Variants in MYH15 observed in about 807,000 individuals in gnomAD.
MYH15 encodes the protein myosin heavy chain 15, also known as myosin-15.
A neutral mutation model predicts 240.5 loss-of-function variants in MYH15; 227 were observed. The observed-to-expected ratio is 0.94, with a 90% CI of 0.85 to 1.05. The LOEUF (loss-of-function observed/expected upper bound fraction) is 1.05, where lower values mean the gene tolerates loss of function less well. MYH15 is among the 50% of genes least tolerant of loss of function. The pLI is 0.00. For missense variants in MYH15, 2,217 were observed against 2,247.5 expected (o/e 0.99, Z 0.27); for synonymous variants, 785 against 796.7 (o/e 0.99, Z 0.25).
rs2082336643 is a variant in MYH15 at position 108,380,814 on chromosome 3, TTTC to T, written c.*728_*730del. On this transcript the variant is annotated 3_prime_UTR_variant, in exon 41 of 41. Transcript: ENST00000693548. ...TAGCTGCTGATCAAATTAATGCAAA[TTTC>T]TTTATGACCTACTCCAATCCAGAAC... 1 of 152,314 alleles carries T rather than the reference TTTC, an allele frequency of 6.6e-6. No individual in the cohort carries two copies. The highest frequency in any genetic ancestry group is 1.5e-5 in the Non-Finnish European group (1 of 68,150). The allele number at this position is 152,314 out of a possible 1,614,324, so 9.4% of individuals were successfully genotyped here.
rs141467041 is a variant in MYH15, at chr3:108,404,671, C to T, written c.4736+667G>A. 1.2e-4 allele frequency among the ~76,000 whole-genome samples: 18 copies of T among 152,266 alleles called. No homozygotes were observed. The East Asian group carries it at 2.3e-3, about 20-fold the overall frequency. On this transcript the variant is annotated intron_variant, in intron 33 of 40. Transcript: ENST00000693548. ...TGCAACCCATGAGTCCTGTCTAATT[C>T]AGTTTCCTGACTATTAAGACTCAGC... is the stretch of plus-strand genomic sequence containing the variant.
Position 108,425,140 on chromosome 3 carries a change from G to A in MYH15, c.3702+3352C>T, listed in dbSNP as rs547280570. Among the ~76,000 whole-genome samples, 3 of 152,328 alleles carry A rather than the reference G, an allele frequency of 2.0e-5. No homozygotes were observed. In the South Asian group the frequency reaches 6.2e-4, roughly 32 times the overall value. ...GTCTTTAATGCAGGAGGTTGAACTT[G>A]AGCATTCCAAAGAGAATAATTAGTT... On this transcript the variant is annotated intron_variant, in intron 27 of 40. Transcript: ENST00000693548.
chr3:108,539,052 A>G, the MYH15 span, among the ~76,000 whole-genome samples: 55 of 152,262 alleles, frequency 3.6e-4, no homozygotes, highest in South Asian at 0.011. Flanking sequence ...CTTATGTCCT[A>G]GTTACTTTTT....
At chr3:108,542,728 AGT>A in the MYH15 span, among the ~76,000 whole-genome samples, 1 of 152,040 alleles carries the variant, frequency 6.6e-6, no homozygotes, top group Admixed American at 6.6e-5. Context: ...AACAGGCTCC[AGT>A]GTGTGTTGTT....
the MYH15 span, among the ~76,000 whole-genome samples, chr3:108,547,141 C>T: frequency 1.8e-4 from 28 of 151,750 alleles, no homozygotes; most frequent in African/African-American, 5.6e-4. Context: ...CACTGCAGCC[C>T]GAGGGACATG....
At position 108,427,635 on chromosome 3, in the gene MYH15, C is replaced by CACACACACACACACACACACAGAG. The variant is rs570359637; in HGVS notation, c.3702+856_3702+857insCTCTGTGTGTGTGTGTGTGTGTGT. On this transcript the variant is annotated intron_variant, in intron 27 of 40. Coordinates refer to ENST00000693548, the MANE Select transcript of MYH15 (RefSeq NM_014981.3). ...CACACACAACACACACACACACACA[C>CACACACACACACACACACACAGAG]AGAGAGAGAGAGAGAGAGAGAAAGA... 4.1e-5 allele frequency among the ~76,000 whole-genome samples: 6 copies of CACACACACACACACACACACAGAG among 146,736 alleles called. No individual in the cohort carries two copies. The South Asian group carries it at 1.3e-3, about 32-fold the overall frequency.
intron 21 of MYH15, among the ~76,000 whole-genome samples, chr3:108,446,195 A>G (rs545454175): frequency 6.6e-6 from 1 of 152,258 alleles, no homozygotes; most frequent in South Asian, 2.1e-4. Flanking sequence ...CCACAGACTG[A>G]TTCTCATGGC....
chr3:108,512,236 A>G (rs1402674301), upstream of MYH15, among the ~76,000 whole-genome samples: 2 of 152,228 alleles, frequency 1.3e-5, no homozygotes, highest in African/African-American at 4.8e-5. Flanking sequence ...ACATCTGAAT[A>G]TAGAAGAACT....
intron 7 of MYH15, among the ~76,000 whole-genome samples, chr3:108,495,317 G>A (rs1444939589): frequency 1.3e-5 from 2 of 152,178 alleles, no homozygotes; most frequent in Non-Finnish European, 2.9e-5. Context: ...AATGTCTCCA[G>A]TGAAAAATAT....
the MYH15 span, among the ~76,000 whole-genome samples, chr3:108,549,447 G>T: frequency 6.6e-6 from 1 of 151,578 alleles, no homozygotes; most frequent in African/African-American, 2.4e-5. Context: ...TCTTCTTTAG[G>T]GAGAGAAGAT....
chr3:108,402,718 A>G (rs1314665437), intron 33 of MYH15, among the ~76,000 whole-genome samples: 1 of 152,226 alleles, frequency 6.6e-6, no homozygotes, highest in East Asian at 1.9e-4. Flanking sequence ...CAGAAAGACC[A>G]TGGCTGTGGA....
At position 108,381,447 on chromosome 3, in the gene MYH15, A is replaced by G. The variant is rs1441984879; in HGVS notation, c.*98T>C. On this transcript the variant is annotated 3_prime_UTR_variant, in exon 41 of 41. Transcript: ENST00000693548. ...ATATGGTGTGAAAAGCAATTTAAAC[A>G]TGTTTTTAAAAATGTTTCCATGCAA... 1 of 1,351,988 alleles carries G rather than the reference A, an allele frequency of 7.4e-7. No individual in the cohort carries two copies. Among genetic ancestry groups the G allele is most frequent in the African/African-American group, 1.4e-5 (1 of 69,454 alleles). 83.7% of individuals were successfully genotyped at this position (1,351,988 alleles called of 1,614,324 possible).
At chr3:108,487,376 A>G (rs1169697251) in intron 9 of MYH15, among the ~76,000 whole-genome samples, 3 of 152,240 alleles carry the variant, frequency 2.0e-5, no homozygotes, top group Non-Finnish European at 4.4e-5. Context: ...AACAAGTCAA[A>G]TAACCATCTG....
intron 27 of MYH15, among the ~76,000 whole-genome samples, chr3:108,421,457 G>A (rs2082683893): frequency 6.6e-6 from 1 of 152,170 alleles, no homozygotes; most frequent in Non-Finnish European, 1.5e-5. Flanking sequence ...CAACTTCCTG[G>A]GTATTAGGAT....
intron 6 of MYH15, among the ~76,000 whole-genome samples, chr3:108,497,603 A>G (rs1372091572): frequency 6.6e-6 from 1 of 152,160 alleles, no homozygotes. Flanking sequence ...ATTGAGGGGT[A>G]TATTCATTGG....
chr3:108,464,709 G>T lies in MYH15; in HGVS notation c.1660C>A (p.His554Asn). Residue 554 changes from histidine (H) to asparagine (N), a missense_variant, in exon 15 of 41, where the codon CAT (histidine) becomes AAT (asparagine). Coordinates refer to ENST00000693548, the MANE Select transcript of MYH15 (RefSeq NM_014981.3). ...TTATCAGGCTTGGGCTTCTGGAGAT[G>T]AACCGACTTTCCAAAATGGTTGTCA... is the stretch of plus-strand genomic sequence containing the variant. ...LFDNHFGKSV[H>N]LQKPKPDKKK... 6.2e-7 allele frequency: 1 copy of T among 1,613,986 alleles called. No homozygotes were observed. The highest frequency in any genetic ancestry group is 1.1e-5 in the South Asian group (1 of 91,072).
At chr3:108,496,957 C>G (rs148641032) in intron 6 of MYH15, among the ~76,000 whole-genome samples, 1 of 151,448 alleles carries the variant, frequency 6.6e-6, no homozygotes, top group African/African-American at 2.4e-5. Context: ...GTCAGGAGAT[C>G]GAGACCATCC....
intron 1 of MYH15, among the ~76,000 whole-genome samples, chr3:108,508,779 A>G (rs1433049358): frequency 6.6e-6 from 1 of 152,198 alleles, no homozygotes; most frequent in Non-Finnish European, 1.5e-5. Context: ...ATGTTCTAAT[A>G]TAAGAATTAT....
At chr3:108,440,005 C>A in intron 23 of MYH15, 92 bp from the exon 24 acceptor site, 1 of 1,123,306 alleles carries the variant, frequency 8.9e-7, no homozygotes, top group Non-Finnish European at 1.2e-6. Context: ...TCCAAAACTA[C>A]GCATGAGGTA....
Sources: gnomAD v4.1 joint callset for allele counts (sites outside exome capture counted in the v4.1 genomes callset) on GRCh38, gnomAD v4.1.1 for gene constraint, MANE v1.5 for transcripts, NCBI Gene and HGNC (gene_info 2026-07-23, HGNC 2026-07-21) for gene names.